YES1: variants seen among roughly 807,000 people sequenced by gnomAD.
YES1 encodes YES proto-oncogene 1, Src family tyrosine kinase, also known as tyrosine-protein kinase Yes.
YES1 carries 39 observed loss-of-function variants against 70.4 expected under a neutral mutation model. The observed-to-expected ratio is 0.55, with a 90% CI of 0.43 to 0.72. YES1 has a LOEUF of 0.72. Among genes scored for constraint, YES1 ranks in the 30% least tolerant of loss-of-function variants. The pLI is 0.00. For missense variants in YES1, 495 were observed against 644.8 expected (o/e 0.77, Z 2.52); for synonymous variants, 198 against 218.6 (o/e 0.91, Z 0.83).
intron 1 of YES1, among the ~76,000 whole-genome samples, chr18:774,398 C>A (rs114856874): frequency 6.6e-6 from 1 of 152,156 alleles, no homozygotes; most frequent in Non-Finnish European, 1.5e-5. Flanking sequence ...TAACTGTCTA[C>A]GCAATACCTT....
chr18:812,474 G>A (rs915594897), upstream of YES1: 1 of 152,134 alleles, frequency 6.6e-6, no homozygotes, highest in Admixed American at 6.5e-5. Flanking sequence ...CCCCCGTCAG[G>A]TCCCCTCCGC....
At chr18:729,807 A>G (rs1258088037) in intron 11 of YES1, among the ~76,000 whole-genome samples, 2 of 151,838 alleles carry the variant, frequency 1.3e-5, no homozygotes, top group African/African-American at 2.4e-5. Context: ...TTGTATTTTT[A>G]GCAGAGATGG....
intron 3 of YES1, among the ~76,000 whole-genome samples, chr18:749,555 A>C (rs1222790974): frequency 6.7e-6 from 1 of 149,066 alleles, no homozygotes; most frequent in South Asian, 2.2e-4. Context: ...ATGCATACTT[A>C]TAAAAATGTT....
chr18:779,536 T>C (rs1568211462), intron 1 of YES1, among the ~76,000 whole-genome samples: 1 of 152,054 alleles, frequency 6.6e-6, no homozygotes, highest in Non-Finnish European at 1.5e-5. Flanking sequence ...ACAGAACAGA[T>C]CTGAATTATG....
At position 736,306 on chromosome 18, in the gene YES1, T is replaced by C. The variant is rs139894149; in HGVS notation, c.1291+502A>G. ...TCTCAATCTCAGCACCGCTACCATT[T>C]TGGGCCTGATAATTCTGTTGTGGGG... On this transcript the variant is annotated intron_variant, in intron 10 of 11. Coordinates refer to ENST00000314574, the MANE Select transcript of YES1 (RefSeq NM_005433.4). 2.6e-3 allele frequency: 409 copies of C among 155,788 alleles called. 2 individuals carry two copies. The highest frequency in any genetic ancestry group is 0.019 in the Middle Eastern group (6 of 310). The allele number at this position is 155,788 out of a possible 1,614,324, so 9.7% of individuals were successfully genotyped here.
intron 6 of YES1, among the ~76,000 whole-genome samples, chr18:743,821 G>C (rs555125020): frequency 6.6e-6 from 1 of 151,292 alleles, no homozygotes. Flanking sequence ...CAGATGGATC[G>C]CATGAACCCA....
At position 791,111 on chromosome 18, in the gene YES1, G is replaced by A. The variant is rs143460489; in HGVS notation, c.-9+21003C>T. Among the ~76,000 whole-genome samples, 722 of 151,664 alleles carry A rather than the reference G, an allele frequency of 4.8e-3. 6 individuals are homozygous for A. Among genetic ancestry groups the A allele is most frequent in the African/African-American group, 0.016 (679 of 41,382 alleles). On this transcript the variant is annotated intron_variant, in intron 1 of 11. Transcript: ENST00000314574. ...TTAAAAATACAAAAATTAGCCGGGC[G>A]TGGTGGTGCGCGTTTGTAATCCCAG...
At chr18:794,349 A>C (rs1051191599) in intron 1 of YES1, among the ~76,000 whole-genome samples, 1 of 152,210 alleles carries the variant, frequency 6.6e-6, no homozygotes. Flanking sequence ...CTAACTTTTA[A>C]AAATATCAAT....
At chr18:769,785 T>A (rs562840098) in intron 1 of YES1, among the ~76,000 whole-genome samples, 1 of 152,218 alleles carries the variant, frequency 6.6e-6, no homozygotes, top group Non-Finnish European at 1.5e-5. Flanking sequence ...CAATTGGTCA[T>A]GGTATATTAC....
intron 10 of YES1, chr18:736,553 G>A (rs1228178034): frequency 1.0e-5 from 3 of 300,534 alleles, no homozygotes; most frequent in Non-Finnish European, 1.8e-5. Context: ...TATATTTGTT[G>A]TCATGTCAAA....
chr18:762,755 C>A (rs1188571621), intron 1 of YES1, among the ~76,000 whole-genome samples: 1 of 152,076 alleles, frequency 6.6e-6, no homozygotes, highest in Non-Finnish European at 1.5e-5. Flanking sequence ...CAAAAGCTAT[C>A]AAAATAAAAC....
intron 1 of YES1, among the ~76,000 whole-genome samples, chr18:787,591 T>G (rs1212380229): frequency 6.6e-6 from 1 of 151,998 alleles, no homozygotes; most frequent in African/African-American, 2.4e-5. Context: ...GTGCCTGTAA[T>G]TCCAGCTACT....
At position 786,376 on chromosome 18, in the gene YES1, TG is replaced by T. The variant is rs201777329; in HGVS notation, c.-9+25737del. On this transcript the variant is annotated intron_variant, in intron 1 of 11. Coordinates refer to ENST00000314574, the MANE Select transcript of YES1 (RefSeq NM_005433.4). ...GAGCTTCACATAAGAGTGTCAAGTT[TG>T]AGGGACACTGGCAAGAGAGCTAAGG... 1.3e-3 allele frequency among the ~76,000 whole-genome samples: 203 copies of T among 152,142 alleles called. 1 individual carries two copies. In the East Asian group the frequency reaches 0.036, roughly 27 times the overall value.
chr18:737,522 G>A (rs114941912), intron 9 of YES1: 4 of 152,252 alleles, frequency 2.6e-5, no homozygotes, highest in Admixed American at 2.0e-4. Context: ...TGTGTCTGTG[G>A]TTAGGAGAAG....
At chr18:781,768 T>C (rs1905680984) in intron 1 of YES1, among the ~76,000 whole-genome samples, 1 of 152,196 alleles carries the variant, frequency 6.6e-6, no homozygotes, top group African/African-American at 2.4e-5. Context: ...AATTTCCTTT[T>C]TTTTTTGGAG....
intron 1 of YES1, among the ~76,000 whole-genome samples, chr18:760,180 T>C (rs1042912541): frequency 6.6e-6 from 1 of 152,040 alleles, no homozygotes; most frequent in Non-Finnish European, 1.5e-5. Context: ...ATTTAAAGCA[T>C]ACAGGGGGAC....
chr18:810,725 A>G (rs1465863787), intron 1 of YES1, among the ~76,000 whole-genome samples: 5 of 152,196 alleles, frequency 3.3e-5, no homozygotes, highest in African/African-American at 1.2e-4. Flanking sequence ...TAAAAATACA[A>G]TTTAACTTCC....
At chr18:782,411 G>A (rs1905718513) in intron 1 of YES1, among the ~76,000 whole-genome samples, 1 of 152,150 alleles carries the variant, frequency 6.6e-6, no homozygotes, top group Admixed American at 6.5e-5. Flanking sequence ...GTCACTGATG[G>A]AACATGGCAG....
chr18:735,677 A>T (rs181867048), intron 10 of YES1: 1 of 152,148 alleles, frequency 6.6e-6, no homozygotes, highest in Non-Finnish European at 1.5e-5. Context: ...TCGTGCCGCT[A>T]CACTCCAGCC....
Sources: gnomAD v4.1 joint callset for allele counts (sites outside exome capture counted in the v4.1 genomes callset) on GRCh38, gnomAD v4.1.1 for gene constraint, MANE v1.5 for transcripts, NCBI Gene and HGNC (gene_info 2026-07-23, HGNC 2026-07-21) for gene names.